Variants in CCDC30 observed in about 807,000 individuals in gnomAD.
CCDC30 encodes the protein coiled-coil domain containing 30, also known as coiled-coil domain-containing protein 30.
A neutral mutation model predicts 100.2 loss-of-function variants in CCDC30; 70 were observed. The ratio of observed to expected loss-of-function variants is 0.70; its 90% CI spans 0.58 to 0.85. The LOEUF is 0.85. CCDC30 is among the 40% of genes least tolerant of loss of function. CCDC30 has a pLI of 0.00. For synonymous variants in CCDC30, 233 were observed against 269.5 expected (o/e 0.86, Z 1.33); for missense variants, 652 against 771.2 (o/e 0.85, Z 1.83).
At chr1:42,598,635 A>C (rs1313726607) in intron 10 of CCDC30, among the ~76,000 whole-genome samples, 1 of 152,218 alleles carries the variant, frequency 6.6e-6, no homozygotes, top group Admixed American at 6.5e-5. Context: ...TGGTAGATAT[A>C]AATCAAATTA....
intron 6 of CCDC30, among the ~76,000 whole-genome samples, chr1:42,533,223 G>A (rs1289497915): frequency 6.6e-6 from 1 of 152,154 alleles, no homozygotes; most frequent in Non-Finnish European, 1.5e-5. Context: ...GGTTGTCTGT[G>A]GCAAGTTAGA....
chr1:42,555,236 A>G (rs1645344555), intron 6 of CCDC30, among the ~76,000 whole-genome samples: 1 of 152,210 alleles, frequency 6.6e-6, no homozygotes, highest in Non-Finnish European at 1.5e-5. Context: ...GGGGTTTTAC[A>G]TATCTTATTT....
At chr1:42,497,474 T>G in intron 5 of CCDC30, among the ~76,000 whole-genome samples, 1 of 152,306 alleles carries the variant, frequency 6.6e-6, no homozygotes, top group South Asian at 2.1e-4. Context: ...AGGAATTAGA[T>G]AATAGTTTAT....
intron 11 of CCDC30, among the ~76,000 whole-genome samples, chr1:42,615,402 A>T (rs1646707177): frequency 6.6e-6 from 1 of 152,174 alleles, no homozygotes; most frequent in Middle Eastern, 3.4e-3. Context: ...GGCTCAAGCA[A>T]TTCTCCTGCC....
chr1:42,512,543 G>A (rs1344685412), intron 6 of CCDC30, among the ~76,000 whole-genome samples: 1 of 152,134 alleles, frequency 6.6e-6, no homozygotes, highest in Non-Finnish European at 1.5e-5. Context: ...TGCCTAACAG[G>A]ATCACTTCCC....
intron 15 of CCDC30, among the ~76,000 whole-genome samples, chr1:42,648,140 A>G (rs1025244031): frequency 1.3e-5 from 2 of 151,676 alleles, no homozygotes; most frequent in African/African-American, 4.8e-5. Context: ...GGGTTTCTCC[A>G]TGTTGGTCAG....
chr1:42,516,590 A>AG (rs1644558381), intron 6 of CCDC30, among the ~76,000 whole-genome samples: 1 of 150,790 alleles, frequency 6.6e-6, no homozygotes, highest in African/African-American at 2.4e-5. Context: ...AAAAAAAAAA[A>AG]GAATCTGACT....
rs144158716 is a variant in CCDC30, at chr1:42,558,765, G to A, written c.457-7531G>A. 4.0e-3 allele frequency among the ~76,000 whole-genome samples: 604 copies of A among 152,210 alleles called. 3 individuals carry two copies. The highest frequency in any genetic ancestry group is 0.014 in the African/African-American group (577 of 41,518). On this transcript the variant is annotated intron_variant, in intron 6 of 16. Coordinates refer to ENST00000668663, the Ensembl canonical transcript of CCDC30. ...AGAACTTCCCAAACCTAGCAAGACA[G>A]GCCAACGTGCAAATTCAGGAAATAC... is the stretch of plus-strand genomic sequence containing the variant.
intron 10 of CCDC30, among the ~76,000 whole-genome samples, chr1:42,607,498 C>T (rs1646523673): frequency 6.8e-6 from 1 of 147,316 alleles, no homozygotes; most frequent in African/African-American, 2.5e-5. Context: ...GCAGGAGGAT[C>T]ACTTGAGGCC....
intron 11 of CCDC30, among the ~76,000 whole-genome samples, chr1:42,612,779 T>C (rs1213405333): frequency 1.3e-5 from 2 of 152,194 alleles, no homozygotes; most frequent in African/African-American, 4.8e-5. Flanking sequence ...CAACAGTCAG[T>C]GCCAAACAGG....
exon 5 of CCDC30, chr1:42,497,158 C>G: frequency 8.1e-7 from 1 of 1,234,204 alleles, no homozygotes; most frequent in Non-Finnish European, 1.0e-6. Context: ...GAAATTCTGG[C>G]TTTAAGAAAT....
chr1:42,581,570 A>G, intron 9 of CCDC30, 56 bp downstream of exon 13: 1 of 1,501,504 alleles, frequency 6.7e-7, no homozygotes, highest in African/African-American at 1.4e-5. Flanking sequence ...TGAGTTAATC[A>G]GCAATATCAA....
rs377325490 is a variant in CCDC30, at chr1:42,536,653, A to G, written c.457-29643A>G. 5 of 1,277,332 alleles carry G rather than the reference A, an allele frequency of 3.9e-6. No homozygotes were observed. In the African/African-American group the frequency reaches 7.4e-5, roughly 19 times the overall value. 79.1% of individuals were successfully genotyped at this position (1,277,332 alleles called of 1,614,324 possible). On this transcript the variant is annotated intron_variant, in intron 6 of 16. Transcript: ENST00000668663. ...TTCTTCTTGTAGTTCTAATTTAGGG[A>G]TTTCATGTTATCATTTTTAAATAAA...
At chr1:42,594,714 C>T (rs1646251878) in intron 10 of CCDC30, 1 of 152,056 alleles carries the variant, frequency 6.6e-6, no homozygotes, top group Non-Finnish European at 1.5e-5. Flanking sequence ...ATTAAAACAT[C>T]ATGGTCTTCT....
At chr1:42,597,129 A>T (rs573907432) in intron 10 of CCDC30, among the ~76,000 whole-genome samples, 4 of 152,342 alleles carry the variant, frequency 2.6e-5, no homozygotes, top group African/African-American at 9.6e-5. Flanking sequence ...ATACTAAAAC[A>T]AAAACAACAG....
chr1:42,634,352 G>A (rs1647106462), intron 11 of CCDC30, among the ~76,000 whole-genome samples: 1 of 152,076 alleles, frequency 6.6e-6, no homozygotes, highest in Non-Finnish European at 1.5e-5. Context: ...AACTGTAGGA[G>A]GTGCTACTGG....
chr1:42,604,795 G>A (rs1646471809), intron 10 of CCDC30, among the ~76,000 whole-genome samples: 1 of 152,174 alleles, frequency 6.6e-6, no homozygotes, highest in Non-Finnish European at 1.5e-5. Context: ...TTTTCCTGAA[G>A]AAAACCTGGC....
chr1:42,506,680 G>C (rs1401661487), intron 6 of CCDC30, among the ~76,000 whole-genome samples: 1 of 152,100 alleles, frequency 6.6e-6, no homozygotes, highest in Non-Finnish European at 1.5e-5. Flanking sequence ...GGATGGTTTA[G>C]AGACCCTCTG....
chr1:42,510,188 G>C, intron 6 of CCDC30: 13 of 791,830 alleles, frequency 1.6e-5, no homozygotes, highest in South Asian at 5.7e-5. Flanking sequence ...TGGGAATGAT[G>C]ATTCCCCTGT....
Sources: allele counts gnomAD v4.1 joint callset (sites outside exome capture counted in the v4.1 genomes callset), GRCh38; gene constraint gnomAD v4.1.1; transcripts MANE v1.5; gene names NCBI Gene and HGNC (gene_info 2026-07-23, HGNC 2026-07-21).